The following MTUS2 variants were observed in gnomAD, a reference collection of about 807,000 sequenced individuals.
MTUS2 encodes microtubule associated scaffold protein 2, also known as microtubule-associated tumor suppressor candidate 2.
MTUS2 carries 40 observed loss-of-function variants against 114.1 expected under a neutral mutation model. The observed-to-expected ratio is 0.35, with a 90% confidence interval of 0.27 to 0.46. The LOEUF (loss-of-function observed/expected upper bound fraction) is 0.46, where lower values mean the gene tolerates loss of function less well. MTUS2 is among the 20% of genes least tolerant of loss of function. The probability of loss-of-function intolerance (pLI) is 1.00; values close to 1 mark genes in which losing one functional copy is unlikely to be tolerated. For missense variants in MTUS2, 1,679 were observed against 1,705.4 expected, an observed-to-expected ratio of 0.98 and a Z score of 0.27; for synonymous variants, 688 against 672.0, an observed-to-expected ratio of 1.02 and a Z score of -0.37.
In MTUS2 at chr13:29,153,594, G is replaced by C. The variant is rs58698131; in HGVS notation, c.2644+52624G>C. 8.8e-3 allele frequency among the ~76,000 whole-genome samples: 1,344 copies of C among 152,234 alleles called. 16 individuals are homozygous for C. Among genetic ancestry groups the C allele is most frequent in the African/African-American group, 0.03 (1,260 of 41,534 alleles). On this transcript the variant is annotated intron_variant, in intron 5 of 15. Transcript: ENST00000612955. Reference sequence around the variant, plus strand: ...GCTGGCACTGCCTCCAGCTGTAAGAGAACCCTACTGGGCTTGTCTGTATCC... The same window carrying C: ...GCTGGCACTGCCTCCAGCTGTAAGACAACCCTACTGGGCTTGTCTGTATCC...
chr13:29,047,277 G>C (rs1315030040), intron 4 of MTUS2, among the ~76,000 whole-genome samples: 1 of 152,132 alleles, frequency 6.6e-6, no homozygotes, highest in African/African-American at 2.4e-5. Flanking sequence ...GTGAAAGTGA[G>C]TGATGTTGCA....
At chr13:29,438,279 A>G (rs571210806) in intron 8 of MTUS2, among the ~76,000 whole-genome samples, 296 of 152,340 alleles carry the variant, frequency 1.9e-3, no homozygotes, top group Non-Finnish European at 3.4e-3. Flanking sequence ...CAAGGATGCT[A>G]TGGGCTGGGA....
intron 9 of MTUS2, 102 bp downstream of exon 9, chr13:29,440,151 A>G (rs935563013): frequency 1.7e-5 from 19 of 1,133,380 alleles, no homozygotes; most frequent in African/African-American, 1.6e-5. Context: ...AGCCAGTGCA[A>G]ACCTGCCTAG....
rs1894684619 is a variant in MTUS2 at position 29,196,070 on chromosome 13, G to T, written c.2645-85634G>T. Among the ~76,000 whole-genome samples, 4 of 151,736 alleles carry T rather than the reference G, an allele frequency of 2.6e-5. No homozygotes were observed. The South Asian group carries it at 6.3e-4, about 24-fold the overall frequency. ...CAGAGGCTGTCAGAAAAATCAAATTGCAATGACACAGGACTAAACTACTGC... is the reference window on the plus strand; with the variant it reads ...CAGAGGCTGTCAGAAAAATCAAATTTCAATGACACAGGACTAAACTACTGC... On this transcript the variant is annotated intron_variant, in intron 5 of 15. Transcript: ENST00000612955.
chr13:29,211,175 TC>T (rs1429596587), intron 5 of MTUS2, among the ~76,000 whole-genome samples: 10 of 151,972 alleles, frequency 6.6e-5, no homozygotes, highest in African/African-American at 2.2e-4. Context: ...GGGGTGTGGT[TC>T]TCAGGCCAAT....
At chr13:29,119,744 G>T (rs1891231856) in intron 5 of MTUS2, among the ~76,000 whole-genome samples, 1 of 152,048 alleles carries the variant, frequency 6.6e-6, no homozygotes, top group Non-Finnish European at 1.5e-5. Context: ...TTAAAGGATT[G>T]GATGGTGCCC....
chr13:28,835,831 G>A (rs1875042810), intron 1 of MTUS2, among the ~76,000 whole-genome samples: 1 of 152,164 alleles, frequency 6.6e-6, no homozygotes, highest in Non-Finnish European at 1.5e-5. Context: ...AGCAGCTATG[G>A]TAGAGTAGAA....
At chr13:29,418,890 A>G (rs1001956230) in intron 8 of MTUS2, among the ~76,000 whole-genome samples, 1 of 152,180 alleles carries the variant, frequency 6.6e-6, no homozygotes, top group African/African-American at 2.4e-5. Context: ...CTTTCTCTAC[A>G]TTAAACCAAG....
At chr13:29,500,387 A>G (rs1882807489) in intron 14 of MTUS2, among the ~76,000 whole-genome samples, 1 of 152,176 alleles carries the variant, frequency 6.6e-6, no homozygotes. Context: ...GAAATAATTT[A>G]TTTCTAAATT....
intron 2 of MTUS2, among the ~76,000 whole-genome samples, chr13:28,952,200 C>T (rs867650920): frequency 6.6e-6 from 1 of 152,120 alleles, no homozygotes; most frequent in Non-Finnish European, 1.5e-5. Flanking sequence ...TACAAAGATA[C>T]GTAGGTAAAA....
At chr13:29,255,957 C>G (rs1897272031) in intron 5 of MTUS2, among the ~76,000 whole-genome samples, 1 of 152,142 alleles carries the variant, frequency 6.6e-6, no homozygotes, top group Admixed American at 6.5e-5. Flanking sequence ...AATGACTCAG[C>G]CTTGGTGTCT....
Position 28,890,123 on chromosome 13 carries a change from C to T in MTUS2, c.-243+50273C>T, listed in dbSNP as rs138883706. ...AGCTTCACTTGTGATGGTTTGTACT[C>T]CATGATCACAGAACTGCATGAGTTA... On this transcript the variant is annotated intron_variant, in intron 2 of 15. Coordinates refer to ENST00000612955, the MANE Select transcript of MTUS2 (RefSeq NM_001033602.4). Among the ~76,000 whole-genome samples the T allele has an allele frequency of 2.4e-4, 36 of 152,226 alleles. No homozygotes were observed. The South Asian group carries it at 5.6e-3, about 24-fold the overall frequency.
intron 2 of MTUS2, among the ~76,000 whole-genome samples, chr13:28,862,288 A>G (rs1315655210): frequency 6.6e-6 from 1 of 152,212 alleles, no homozygotes; most frequent in East Asian, 1.9e-4. Flanking sequence ...GCAGGAACGC[A>G]ATCAAACATT....
chr13:28,985,545 C>A (rs1047933252), intron 2 of MTUS2, among the ~76,000 whole-genome samples: 3 of 148,492 alleles, frequency 2.0e-5, no homozygotes, highest in Admixed American at 6.7e-5. Flanking sequence ...TTTTAGCAAT[C>A]GAAGAAATGG....
intron 5 of MTUS2, among the ~76,000 whole-genome samples, chr13:29,232,517 G>T (rs773327447): frequency 6.6e-6 from 1 of 152,166 alleles, no homozygotes; most frequent in Non-Finnish European, 1.5e-5. Flanking sequence ...CCGAGTTCAG[G>T]ACACTACGGG....
At chr13:28,846,972 G>A (rs1394866964) in intron 2 of MTUS2, among the ~76,000 whole-genome samples, 3 of 152,168 alleles carry the variant, frequency 2.0e-5, no homozygotes, top group Admixed American at 6.5e-5. Context: ...TGTCTTACAC[G>A]TAATGGGGAT....
intron 2 of MTUS2, among the ~76,000 whole-genome samples, chr13:28,881,449 T>C (rs1878284761): frequency 6.6e-6 from 1 of 152,234 alleles, no homozygotes; most frequent in Non-Finnish European, 1.5e-5. Context: ...TGAATGCAGG[T>C]ATCTTTTTGA....
At chr13:28,936,443 C>T (rs1026036794) in intron 2 of MTUS2, among the ~76,000 whole-genome samples, 1 of 152,190 alleles carries the variant, frequency 6.6e-6, no homozygotes, top group Non-Finnish European at 1.5e-5. Context: ...CTAGGGGTGC[C>T]TGTGGCTCAC....
chr13:28,929,411 A>G (rs1157715667), intron 2 of MTUS2, among the ~76,000 whole-genome samples: 1 of 152,216 alleles, frequency 6.6e-6, no homozygotes, highest in Non-Finnish European at 1.5e-5. Context: ...TAAGTATTAC[A>G]TTATCACATG....
Sources: allele counts gnomAD v4.1 joint callset (sites outside exome capture counted in the v4.1 genomes callset), GRCh38; gene constraint gnomAD v4.1.1; transcripts MANE v1.5; gene names NCBI Gene and HGNC (gene_info 2026-07-23, HGNC 2026-07-21).